MYBPC1: variants seen among roughly 807,000 people sequenced by gnomAD.
MYBPC1 encodes the protein myosin binding protein C1.
MYBPC1 carries 52 observed loss-of-function variants against 147.1 expected under a neutral mutation model. The observed-to-expected ratio is 0.35, with a 90% CI of 0.28 to 0.45. The LOEUF (loss-of-function observed/expected upper bound fraction) is 0.45, where lower values mean the gene tolerates loss of function less well. MYBPC1 is among the 20% of genes least tolerant of loss of function. The probability of loss-of-function intolerance (pLI) is 1.00; values close to 1 mark genes in which losing one functional copy is unlikely to be tolerated. For missense variants in MYBPC1, 1,228 were observed against 1,440.3 expected (o/e 0.85, Z 2.39); for synonymous variants, 477 against 475.9 (o/e 1.00, Z -0.03).
At chr12:101,604,113 C>T (rs919470908) in intron 1 of MYBPC1, among the ~76,000 whole-genome samples, 2 of 152,170 alleles carry the variant, frequency 1.3e-5, no homozygotes, top group African/African-American at 4.8e-5. Context: ...TTCTTTAAAA[C>T]ATGGTAAGAG....
chr12:101,637,432 C>T (rs1447549622), intron 10 of MYBPC1, among the ~76,000 whole-genome samples: 1 of 152,042 alleles, frequency 6.6e-6, no homozygotes, highest in Non-Finnish European at 1.5e-5. Context: ...TCTATAACTG[C>T]TATACTCTTC....
Position 101,684,641 on chromosome 12 carries a change from T to C in MYBPC1, c.*19+217T>C, listed in dbSNP as rs1019241823. Among the ~76,000 whole-genome samples, 5 of 152,190 alleles carry C rather than the reference T, an allele frequency of 3.3e-5. No homozygotes were observed. In the South Asian group the frequency reaches 6.2e-4, roughly 19 times the overall value. ...CTCCTACTGACATGAAGCAAGTTGT[T>C]GAATGCAGTAGAGCATGAATGAAAG... On this transcript the variant is annotated intron_variant, in intron 31 of 31. Coordinates refer to ENST00000361466, the MANE Select transcript of MYBPC1 (RefSeq NM_002465.4).
At chr12:101,658,137 A>C (rs896283715) in intron 18 of MYBPC1, among the ~76,000 whole-genome samples, 6 of 151,620 alleles carry the variant, frequency 4.0e-5, no homozygotes, top group Non-Finnish European at 8.8e-5. Context: ...TCTCAAAAAA[A>C]AAAAAAAAAA....
At chr12:101,636,912 G>C in intron 10 of MYBPC1, 184 bp downstream of exon 10, 1 of 586,144 alleles carries the variant, frequency 1.7e-6, no homozygotes, top group Admixed American at 3.0e-5. Flanking sequence ...ATCTTTTAAA[G>C]CCTTTAACAG....
chr12:101,691,190 G>A, the MYBPC1 span, among the ~76,000 whole-genome samples: 1 of 152,198 alleles, frequency 6.6e-6, no homozygotes, highest in Non-Finnish European at 1.5e-5. Flanking sequence ...TCCTGCCTCA[G>A]CCTCCTGAGT....
rs115380846 is a variant in MYBPC1, at chr12:101,666,278, C to G, written c.2357-1454C>G. 4.1e-3 allele frequency: 778 copies of G among 188,834 alleles called. 11 individuals carry two copies. Among genetic ancestry groups the G allele is most frequent in the African/African-American group, 0.017 (741 of 42,808 alleles). 11.7% of individuals were successfully genotyped at this position (188,834 alleles called of 1,614,324 possible). ...GCACTCCCAGTCTTGAATGAGGGAGCCCCACTGTGGGAGCACCGTGTTCCC... is the reference window on the plus strand; with the variant it reads ...GCACTCCCAGTCTTGAATGAGGGAGGCCCACTGTGGGAGCACCGTGTTCCC... On this transcript the variant is annotated intron_variant, in intron 22 of 31. Transcript: ENST00000361466.
Position 101,629,499 on chromosome 12 carries a change from T to A in MYBPC1, c.244T>A (p.Ser82Thr), listed in dbSNP as rs1593771199. Reference sequence around the variant, plus strand: ...CAAGCAGAATGCCAACTCCCAGCTGTCCATCTTGTTCATTGAAAAACCTCA... The same window carrying A: ...CAAGCAGAATGCCAACTCCCAGCTGACCATCTTGTTCATTGAAAAACCTCA... Reference protein sequence around the residue: ...QAKQNANSQLSILFIEKPQGG... With the variant: ...QAKQNANSQLTILFIEKPQGG... The change falls in exon 6 of 32, where the codon TCC becomes ACC. Residue 82 changes from serine to threonine, a missense_variant. Ser to Thr is a moderately conservative substitution (Grantham distance 58). Transcript: ENST00000361466. 6.2e-7 allele frequency: 1 copy of A among 1,614,016 alleles called. No homozygotes were observed. The highest frequency in any genetic ancestry group is 1.3e-5 in the African/African-American group (1 of 75,018).
In MYBPC1 at chr12:101,631,628, C is replaced by A. The variant is rs775213682; in HGVS notation, c.347C>A (p.Thr116Asn). The A allele has an allele frequency of 6.2e-7, 1 of 1,614,184 alleles. No individual in the cohort carries two copies. The highest frequency in any genetic ancestry group is 8.5e-7 in the Non-Finnish European group (1 of 1,180,006). Residue 116 changes from threonine (T) to asparagine (N), a missense_variant, in exon 7 of 32, where the codon ACT becomes AAT. Physicochemically the swap from Thr to Asn is moderately conservative, Grantham distance 65 (BLOSUM62 0). This residue lies in a region of MYBPC1 where 1,077 missense variants were observed against 1,314.2 expected (regional missense o/e 0.82). Transcript: ENST00000361466. ...VKAEDLLRKPTIKWFKGKWMD... is the reference protein window; with the variant it reads ...VKAEDLLRKPNIKWFKGKWMD... Reference sequence around the variant, plus strand: ...GCTGAAGATCTTCTGAGAAAACCCACTATCAAATGGTTCAAAGGAAAATGG... The same window carrying A: ...GCTGAAGATCTTCTGAGAAAACCCAATATCAAATGGTTCAAAGGAAAATGG...
chr12:101,645,120 T>C (rs1892805537), intron 12 of MYBPC1, among the ~76,000 whole-genome samples: 4 of 152,198 alleles, frequency 2.6e-5, no homozygotes, highest in African/African-American at 9.6e-5. Context: ...GAAAAATAAC[T>C]TGCAATCCAT....
chr12:101,636,645 G>A (rs760195536), intron 9 of MYBPC1, 27 bp from the exon 10 acceptor site: 3 of 1,610,162 alleles, frequency 1.9e-6, no homozygotes, highest in Middle Eastern at 1.7e-4. Context: ...ATTAAACCCA[G>A]ATTTGCTTTT....
At position 101,646,796 on chromosome 12, in the gene MYBPC1, C is replaced by T. The variant is rs1343020898; in HGVS notation, c.999C>T (p.Ile333=). 1.2e-6 allele frequency: 2 copies of T among 1,613,066 alleles called. No homozygotes were observed. The highest frequency in any genetic ancestry group is 8.5e-7 in the Non-Finnish European group (1 of 1,179,130). The change falls in exon 13 of 32, where the codon ATC becomes ATT. Residue 333 remains isoleucine (I), a synonymous_variant. Coordinates refer to ENST00000361466, the MANE Select transcript of MYBPC1 (RefSeq NM_002465.4). The part of the protein sequence containing the change: ...YIFEHKGCQR[I]LFINNCQMTD... ...TTGAACACAAAGGATGCCAGAGAAT[C>T]CTGTTTATCAATAACTGTCAGATGA...
At chr12:101,657,286 T>C (rs1408510951) in intron 18 of MYBPC1, among the ~76,000 whole-genome samples, 2 of 152,162 alleles carry the variant, frequency 1.3e-5, no homozygotes, top group Admixed American at 6.5e-5. Flanking sequence ...AATCAAAGTT[T>C]ACGTGTTAGA....
intron 18 of MYBPC1, among the ~76,000 whole-genome samples, chr12:101,654,155 C>T (rs939729541): frequency 3.3e-5 from 5 of 152,064 alleles, no homozygotes; most frequent in African/African-American, 1.2e-4. Context: ...TGCAGTGAGC[C>T]GAGATCACGC....
chr12:101,686,539 A>G (rs1951350224), downstream of MYBPC1, among the ~76,000 whole-genome samples: 1 of 152,214 alleles, frequency 6.6e-6, no homozygotes, highest in African/African-American at 2.4e-5. Flanking sequence ...AACCCATAAT[A>G]TTTTCAGCAA....
chr12:101,686,193 A>G (rs576711082), downstream of MYBPC1, among the ~76,000 whole-genome samples: 2 of 152,186 alleles, frequency 1.3e-5, no homozygotes, highest in Non-Finnish European at 2.9e-5. Context: ...TTTCAAACAA[A>G]TTTTCTCAGT....
rs745488695 is a variant in MYBPC1 at position 101,673,501 on chromosome 12, C to T, written c.2688C>T (p.Asn896=). 6.2e-7 allele frequency: 1 copy of T among 1,614,040 alleles called. No individual in the cohort carries two copies. Among genetic ancestry groups the T allele is most frequent in the East Asian group, 2.2e-5 (1 of 44,888 alleles). Residue 896 remains asparagine (N), a synonymous_variant, in exon 25 of 32, where the codon AAC becomes AAT. Coordinates refer to ENST00000361466, the MANE Select transcript of MYBPC1 (RefSeq NM_002465.4). ...ATAAGAATCAAATAAACATTCGCAA[C>T]TCTGAGACTGATACAATCATATTTA... ...EIDKNQINIR[N]SETDTIIFIR...
chr12:101,625,036 G>T (rs1294411038), intron 3 of MYBPC1, among the ~76,000 whole-genome samples: 1 of 151,952 alleles, frequency 6.6e-6, no homozygotes, highest in African/African-American at 2.4e-5. Flanking sequence ...ATGTGTACAG[G>T]GTCCTTTGCA....
At chr12:101,631,217 T>G (rs796082681) in intron 6 of MYBPC1, among the ~76,000 whole-genome samples, 27 of 152,328 alleles carry the variant, frequency 1.8e-4, no homozygotes, top group African/African-American at 6.3e-4. Context: ...AAATAAAATT[T>G]TATACATATC....
At chr12:101,652,085 T>A (rs1894588411) in intron 16 of MYBPC1, among the ~76,000 whole-genome samples, 3 of 152,216 alleles carry the variant, frequency 2.0e-5, no homozygotes, top group Admixed American at 2.0e-4. Flanking sequence ...TCCTAGAATC[T>A]GGCAAAGATC....
Sources: allele counts gnomAD v4.1 joint callset (sites outside exome capture counted in the v4.1 genomes callset), GRCh38; gene constraint gnomAD v4.1.1; regional missense constraint gnomAD v4.1.1; transcripts MANE v1.5; gene names NCBI Gene and HGNC (gene_info 2026-07-23, HGNC 2026-07-21).